ABCC4: variants seen among roughly 807,000 people sequenced by gnomAD.
ABCC4 encodes ATP binding cassette subfamily C member 4 (PEL blood group).
Under a neutral mutation model 168.5 loss-of-function variants are expected in ABCC4, and 102 were observed. That is an observed-to-expected ratio of 0.61 (90% CI 0.52 to 0.71). ABCC4 has a LOEUF of 0.71. ABCC4 is among the 30% of genes least tolerant of loss of function. ABCC4 has a pLI of 0.00. For synonymous variants in ABCC4, 617 were observed against 590.7 expected (o/e 1.04, Z -0.65); for missense variants, 1,402 against 1,605.8 (o/e 0.87, Z 2.17).
At chr13:95,035,891 G>A (rs2032100679) in intron 29 of ABCC4, among the ~76,000 whole-genome samples, 1 of 152,164 alleles carries the variant, frequency 6.6e-6, no homozygotes, top group Non-Finnish European at 1.5e-5. Flanking sequence ...TCTACATGTA[G>A]ATATTGCAGT....
chr13:95,045,730 C>G (rs2032548933), intron 27 of ABCC4, among the ~76,000 whole-genome samples: 1 of 151,966 alleles, frequency 6.6e-6, no homozygotes, highest in Non-Finnish European at 1.5e-5. Flanking sequence ...ATAGAGGAAC[C>G]AAGAGTCAAT....
intron 26 of ABCC4, 120 bp from the exon 27 acceptor site, chr13:95,053,304 G>A (rs1166224000): frequency 1.5e-5 from 12 of 782,582 alleles, no homozygotes; most frequent in Middle Eastern, 4.6e-4. Context: ...TAATTATAGC[G>A]TTACAAATGC....
chr13:95,266,754 C>T (rs1319797134), intron 1 of ABCC4, among the ~76,000 whole-genome samples: 2 of 152,004 alleles, frequency 1.3e-5, no homozygotes, highest in Non-Finnish European at 2.9e-5. Flanking sequence ...TAGCATTGGC[C>T]CCTGGGCTCT....
chr13:95,218,860 A>G (rs9584283), intron 4 of ABCC4, among the ~76,000 whole-genome samples: 2,891 of 146,876 alleles, frequency 0.02, 130 homozygotes, highest in African/African-American at 0.066. Flanking sequence ...GAAAAGAAAA[A>G]AAAAGAAAAG....
At chr13:95,277,828 A>G (rs1022210360) in intron 1 of ABCC4, among the ~76,000 whole-genome samples, 2 of 152,148 alleles carry the variant, frequency 1.3e-5, no homozygotes, top group Non-Finnish European at 2.9e-5. Context: ...CGTGTCCCGC[A>G]GAAGGGAGAG....
At chr13:95,040,482 C>T (rs752181198) in intron 29 of ABCC4, among the ~76,000 whole-genome samples, 1 of 152,132 alleles carries the variant, frequency 6.6e-6, no homozygotes, top group African/African-American at 2.4e-5. Context: ...GTGATCTGCC[C>T]TTCTCGGCCT....
rs1290950508 is a variant in ABCC4 at position 95,225,145 on chromosome 13, TCTCTCTCTCACA to T, written c.531+9453_531+9464del. Among the ~76,000 whole-genome samples the T allele has an allele frequency of 2.2e-4, 10 of 45,190 alleles. No homozygotes were observed. The East Asian group carries it at 2.8e-3, about 13-fold the overall frequency. The allele number at this position is 45,190 out of a possible 152,430, so 29.6% of individuals were successfully genotyped here. A position where few individuals can be genotyped will look rare whatever the true frequency, so the allele number is the denominator to read the frequency against. ...CACTGTCTGTCTGTCTGTCTGTCTC[TCTCTCTCTCACA>T]CACACACACACACACACACACACAC... On this transcript the variant is annotated intron_variant, in intron 4 of 30. Coordinates refer to ENST00000645237, the MANE Select transcript of ABCC4 (RefSeq NM_005845.5).
chr13:95,274,458 C>T (rs2040922539), intron 1 of ABCC4, among the ~76,000 whole-genome samples: 1 of 152,158 alleles, frequency 6.6e-6, no homozygotes, highest in African/African-American at 2.4e-5. Flanking sequence ...CTATATCATG[C>T]CAGAGCCTGA....
intron 25 of ABCC4, among the ~76,000 whole-genome samples, chr13:95,063,137 T>C (rs2033367403): frequency 6.6e-6 from 1 of 152,134 alleles, no homozygotes; most frequent in Non-Finnish European, 1.5e-5. Flanking sequence ...CCACCAAAAA[T>C]GTCACTGACA....
chr13:95,196,207 T>C (rs1157298281), intron 8 of ABCC4, among the ~76,000 whole-genome samples: 4 of 126,548 alleles, frequency 3.2e-5, no homozygotes, highest in Admixed American at 2.2e-4. Context: ...ATCCAAAATT[T>C]TGTAGATGTG....
rs2039167274 is a variant in ABCC4 at position 95,217,860 on chromosome 13, A to G, written c.532-7079T>C. On this transcript the variant is annotated intron_variant, in intron 4 of 30. Transcript: ENST00000645237. ...CGGGGTGGACAGGGATGCTCCTCTC[A>G]CAGAGTCCCCAAATGGCCACACTTT... Among the ~76,000 whole-genome samples the G allele has an allele frequency of 5.3e-5, 8 of 152,156 alleles. No individual in the cohort carries two copies. The South Asian group carries it at 1.7e-3, about 32-fold the overall frequency.
intron 8 of ABCC4, 139 bp downstream of exon 8, chr13:95,206,393 C>T (rs2038780647): frequency 8.7e-7 from 1 of 1,154,118 alleles, no homozygotes; most frequent in Non-Finnish European, 1.2e-6. Flanking sequence ...GAAGTACACA[C>T]AACATTCTGG....
chr13:95,299,156 G>A (rs530681998), intron 1 of ABCC4, among the ~76,000 whole-genome samples: 1 of 151,750 alleles, frequency 6.6e-6, no homozygotes, highest in South Asian at 2.1e-4. Context: ...CTACTCGGGA[G>A]GCTGAGGCAG....
chr13:95,063,922 C>T (rs777095044), intron 25 of ABCC4, among the ~76,000 whole-genome samples: 3 of 152,098 alleles, frequency 2.0e-5, no homozygotes, highest in Non-Finnish European at 4.4e-5. Context: ...CTGGAGTCAA[C>T]GAAGGACATA....
intron 19 of ABCC4, among the ~76,000 whole-genome samples, chr13:95,159,129 A>G (rs1191167154): frequency 7.7e-6 from 1 of 129,532 alleles, no homozygotes; most frequent in African/African-American, 3.0e-5. Flanking sequence ...ATATATATAT[A>G]TATAACTATT....
In ABCC4 at chr13:95,186,734, A is replaced by G; in HGVS notation, c.1512T>C (p.Tyr504=). ...LFGKKYEKER[Y]EKVIKACALK... is the part of the protein sequence containing the mutation. The stretch of plus-strand genomic sequence containing the variant: ...GAGCACAAGCCTTTATGACTTTTTC[A>G]TATCGTTCCTTTTCGTATTTCTTCC... The change falls in exon 11 of 31, where the codon TAT becomes TAC. Residue 504 remains tyrosine (Y), a synonymous_variant. Transcript: ENST00000645237. 2.5e-6 allele frequency: 4 copies of G among 1,614,078 alleles called. No homozygotes were observed. The highest frequency in any genetic ancestry group is 1.7e-6 in the Non-Finnish European group (2 of 1,179,988).
intron 19 of ABCC4, among the ~76,000 whole-genome samples, chr13:95,156,108 G>A (rs920113828): frequency 1.3e-5 from 2 of 152,158 alleles, no homozygotes; most frequent in Admixed American, 6.5e-5. Context: ...AGATGTCAGC[G>A]TCTGCCTATT....
chr13:95,112,100 C>A (rs1418790048), intron 20 of ABCC4, among the ~76,000 whole-genome samples: 1 of 152,150 alleles, frequency 6.6e-6, no homozygotes, highest in Non-Finnish European at 1.5e-5. Context: ...TGCCTGTAAT[C>A]CCACCACTTT....
At chr13:95,218,914 A>T (rs1399820963) in intron 4 of ABCC4, among the ~76,000 whole-genome samples, 1 of 42,092 alleles carries the variant, frequency 2.4e-5, no homozygotes, top group African/African-American at 1.1e-4. Context: ...AAAGAGAGAG[A>T]GAGAGAAAGA....
Sources: allele counts gnomAD v4.1 joint callset (sites outside exome capture counted in the v4.1 genomes callset), GRCh38; gene constraint gnomAD v4.1.1; transcripts MANE v1.5; gene names NCBI Gene and HGNC (gene_info 2026-07-23, HGNC 2026-07-21).